Variants in CNTN4 observed in about 807,000 individuals in gnomAD.
The protein encoded by CNTN4 is contactin-4.
CNTN4 carries 77 observed loss-of-function variants against 122.5 expected under a neutral mutation model. That is an observed-to-expected ratio of 0.63 (90% confidence interval 0.52 to 0.76). The LOEUF is 0.76. CNTN4 is among the 30% of genes least tolerant of loss of function. The pLI is 0.00. For synonymous variants in CNTN4, 512 were observed against 447.0 expected (o/e 1.15, Z -1.83); for missense variants, 1,256 against 1,259.1 (o/e 1.00, Z 0.04).
intron 3 of CNTN4, among the ~76,000 whole-genome samples, chr3:2,426,917 T>A (rs1234394894): frequency 3.3e-5 from 5 of 152,220 alleles, no homozygotes; most frequent in Non-Finnish European, 7.3e-5. Flanking sequence ...ATTAATGATA[T>A]CCCCTTTATC....
At chr3:2,615,156 C>G (rs1464327062) in intron 4 of CNTN4, among the ~76,000 whole-genome samples, 3 of 152,124 alleles carry the variant, frequency 2.0e-5, no homozygotes, top group Non-Finnish European at 4.4e-5. Flanking sequence ...TCTGCATTTG[C>G]TTCATAAATC....
chr3:2,163,095 T>G (rs906553421), intron 2 of CNTN4, among the ~76,000 whole-genome samples: 1 of 152,186 alleles, frequency 6.6e-6, no homozygotes, highest in Non-Finnish European at 1.5e-5. Flanking sequence ...AGACCCTGTC[T>G]CAAATTATAC....
At chr3:2,393,868 C>G (rs2046535432) in intron 3 of CNTN4, among the ~76,000 whole-genome samples, 1 of 151,634 alleles carries the variant, frequency 6.6e-6, no homozygotes. Context: ...GCTACTACCC[C>G]CATCATTGTC....
At chr3:2,868,843 G>A (rs1215270427) in intron 8 of CNTN4, among the ~76,000 whole-genome samples, 1 of 152,044 alleles carries the variant, frequency 6.6e-6, no homozygotes, top group Non-Finnish European at 1.5e-5. Context: ...GCTCTGTGGT[G>A]GGTTTGGGGG....
At chr3:2,208,264 G>A (rs902092574) in intron 2 of CNTN4, among the ~76,000 whole-genome samples, 1 of 152,128 alleles carries the variant, frequency 6.6e-6, no homozygotes, top group Non-Finnish European at 1.5e-5. Flanking sequence ...AACATTACCA[G>A]AAGTTTGGAA....
intron 7 of CNTN4, among the ~76,000 whole-genome samples, chr3:2,849,165 C>G (rs1304524739): frequency 3.3e-5 from 5 of 152,302 alleles, no homozygotes; most frequent in Non-Finnish European, 7.4e-5. Flanking sequence ...ACTTGATTCT[C>G]CTAAAACTGT....
chr3:2,242,064 CA>C (rs2039962839), intron 2 of CNTN4, among the ~76,000 whole-genome samples: 1 of 152,044 alleles, frequency 6.6e-6, no homozygotes, highest in African/African-American at 2.4e-5. Flanking sequence ...GAAAGACCAT[CA>C]AAAACTTATA....
At chr3:2,562,037 A>C (rs975185238) in intron 3 of CNTN4, among the ~76,000 whole-genome samples, 1 of 152,144 alleles carries the variant, frequency 6.6e-6, no homozygotes, top group African/African-American at 2.4e-5. Flanking sequence ...ATAAGACTGT[A>C]ATAACACGGG....
chr3:2,375,173 A>G (rs955417200), intron 3 of CNTN4, among the ~76,000 whole-genome samples: 1 of 152,196 alleles, frequency 6.6e-6, no homozygotes, highest in Non-Finnish European at 1.5e-5. Flanking sequence ...AATATATGGC[A>G]TGTCTTTGCC....
At chr3:2,198,028 G>GAAAAA (rs5846169) in intron 2 of CNTN4, among the ~76,000 whole-genome samples, 4 of 138,100 alleles carry the variant, frequency 2.9e-5, no homozygotes, top group African/African-American at 1.1e-4. Flanking sequence ...ACTCTCTCTG[G>GAAAAA]AAAAAAAAAA....
At chr3:2,852,590 G>C (rs115673368) in intron 7 of CNTN4, among the ~76,000 whole-genome samples, 182 of 152,230 alleles carry the variant, frequency 1.2e-3, no homozygotes, top group African/African-American at 3.9e-3. Flanking sequence ...TATTGCACGT[G>C]ATCCCCCAAC....
At chr3:2,258,361 AG>A (rs2040685413) in intron 2 of CNTN4, among the ~76,000 whole-genome samples, 1 of 152,214 alleles carries the variant, frequency 6.6e-6, no homozygotes, top group South Asian at 2.1e-4. Context: ...CATCAGTGAT[AG>A]ACTGGGCTTT....
At chr3:2,272,804 C>T (rs2041353069) in intron 2 of CNTN4, among the ~76,000 whole-genome samples, 1 of 45,764 alleles carries the variant, frequency 2.2e-5, no homozygotes, top group Non-Finnish European at 5.4e-5. Context: ...AGAAACACTA[C>T]AGAGCCTTTT....
intron 2 of CNTN4, among the ~76,000 whole-genome samples, chr3:2,249,061 C>T (rs2040265659): frequency 1.3e-5 from 2 of 151,916 alleles, no homozygotes. Context: ...ACCCTGACCT[C>T]ATTACTATAC....
At chr3:2,269,477 G>A (rs1033950074) in intron 2 of CNTN4, among the ~76,000 whole-genome samples, 3 of 152,082 alleles carry the variant, frequency 2.0e-5, no homozygotes, top group African/African-American at 7.2e-5. Flanking sequence ...GACTAAGAAT[G>A]ACAGACAGGA....
At chr3:2,244,203 A>G (rs2040053347) in intron 2 of CNTN4, among the ~76,000 whole-genome samples, 1 of 141,490 alleles carries the variant, frequency 7.1e-6, no homozygotes, top group African/African-American at 2.5e-5. Flanking sequence ...TTATAACATC[A>G]TACTGTAATA....
chr3:2,256,558 C>T (rs79571984), intron 2 of CNTN4, among the ~76,000 whole-genome samples: 1 of 152,158 alleles, frequency 6.6e-6, no homozygotes, highest in Admixed American at 6.5e-5. Context: ...TACTGGCAAA[C>T]CGAATCCAGC....
intron 4 of CNTN4, among the ~76,000 whole-genome samples, chr3:2,632,104 G>GTATATA (rs148199844): frequency 6.7e-6 from 1 of 150,370 alleles, no homozygotes; most frequent in African/African-American, 2.4e-5. Flanking sequence ...ATGTATGTAT[G>GTATATA]TATATATATA....
At chr3:3,015,139 C>T (rs1697628516) in intron 14 of CNTN4, among the ~76,000 whole-genome samples, 2 of 152,132 alleles carry the variant, frequency 1.3e-5, no homozygotes, top group Non-Finnish European at 2.9e-5. Flanking sequence ...ATAGGTCTCA[C>T]TATGAAGCAA....
Sources: gnomAD v4.1 joint callset for allele counts (sites outside exome capture counted in the v4.1 genomes callset) on GRCh38, gnomAD v4.1.1 for gene constraint, MANE v1.5 for transcripts, NCBI Gene and HGNC (gene_info 2026-07-23, HGNC 2026-07-21) for gene names.